Variants in DIS3L2 observed in about 807,000 individuals in gnomAD.
The protein encoded by DIS3L2 is DIS3-like exonuclease 2.
A neutral mutation model predicts 97.5 loss-of-function variants in DIS3L2; 34 were observed. That is an observed-to-expected ratio of 0.35 (90% CI 0.27 to 0.46). The LOEUF is 0.46. Ranked by LOEUF, DIS3L2 falls within the 20% of genes least tolerant of loss-of-function variation. The pLI is 1.00. For synonymous variants in DIS3L2, 435 were observed against 445.2 expected, an observed-to-expected ratio of 0.98 and a Z score of 0.29; for missense variants, 1,038 against 1,146.0, an observed-to-expected ratio of 0.91 and a Z score of 1.36.
chr2:231,966,171 C>CTT (rs59059695), intron 1 of DIS3L2, among the ~76,000 whole-genome samples: 14,185 of 140,360 alleles, frequency 0.1, 846 homozygotes, highest in African/African-American at 0.16. Context: ...TCTTCTTCTT[C>CTT]TTTTTTTTTT....
intron 6 of DIS3L2, among the ~76,000 whole-genome samples, chr2:232,123,091 C>G (rs1028072491): frequency 1.3e-5 from 2 of 152,018 alleles, no homozygotes; most frequent in Non-Finnish European, 2.9e-5. Flanking sequence ...TTTCCACAAC[C>G]CTCCCACCCT....
At chr2:232,157,332 C>T (rs3116180) in intron 8 of DIS3L2, among the ~76,000 whole-genome samples, 2 of 152,194 alleles carry the variant, frequency 1.3e-5, no homozygotes, top group African/African-American at 4.8e-5. Flanking sequence ...ACCATGTACA[C>T]TGCCTGTAGG....
intron 14 of DIS3L2, among the ~76,000 whole-genome samples, chr2:232,315,246 G>A (rs1695237703): frequency 6.6e-6 from 1 of 152,186 alleles, no homozygotes. Context: ...CCCAGACCCA[G>A]GGCATATTCA....
intron 8 of DIS3L2, among the ~76,000 whole-genome samples, chr2:232,159,418 A>G (rs1211808594): frequency 2.0e-5 from 3 of 152,138 alleles, no homozygotes; most frequent in Non-Finnish European, 1.5e-5. Context: ...TACACATTCA[A>G]AGTCTTGAGT....
intron 13 of DIS3L2, among the ~76,000 whole-genome samples, chr2:232,284,368 G>A (rs1172782090): frequency 6.6e-6 from 1 of 152,208 alleles, no homozygotes; most frequent in African/African-American, 2.4e-5. Context: ...CTTCCCAGCT[G>A]TAAAGTAGGC....
intron 10 of DIS3L2, among the ~76,000 whole-genome samples, chr2:232,223,915 C>A (rs1212350129): frequency 6.6e-6 from 1 of 152,120 alleles, no homozygotes; most frequent in Non-Finnish European, 1.5e-5. Context: ...TGGTGAAACC[C>A]CATCTCTACA....
At chr2:232,236,919 T>C (rs754462482) in intron 10 of DIS3L2, among the ~76,000 whole-genome samples, 2 of 152,044 alleles carry the variant, frequency 1.3e-5, no homozygotes, top group Non-Finnish European at 2.9e-5. Context: ...ACCTGGCTAA[T>C]TTTTATTTTT....
chr2:232,181,842 G>A (rs1313334307), intron 9 of DIS3L2, among the ~76,000 whole-genome samples: 1 of 151,980 alleles, frequency 6.6e-6, no homozygotes, highest in African/African-American at 2.4e-5. Context: ...AGTAATGATG[G>A]GGTTTCACCA....
intron 8 of DIS3L2, among the ~76,000 whole-genome samples, chr2:232,153,928 C>G (rs1690395077): frequency 1.3e-5 from 2 of 150,902 alleles, no homozygotes; most frequent in African/African-American, 4.9e-5. Context: ...CTCTAAACTT[C>G]CCTTCTCGCT....
chr2:232,062,510 C>T (rs1406068950), intron 5 of DIS3L2, among the ~76,000 whole-genome samples: 1 of 152,082 alleles, frequency 6.6e-6, no homozygotes, highest in African/African-American at 2.4e-5. Context: ...TCAAACTGCC[C>T]CTGATCTGAC....
chr2:232,183,364 T>G (rs1318661832), intron 9 of DIS3L2, among the ~76,000 whole-genome samples: 1 of 152,204 alleles, frequency 6.6e-6, no homozygotes, highest in Non-Finnish European at 1.5e-5. Context: ...AAACAGAGAT[T>G]TCCTTAAATA....
chr2:232,246,487 A>C (rs1298023566), intron 11 of DIS3L2, among the ~76,000 whole-genome samples: 3 of 152,198 alleles, frequency 2.0e-5, no homozygotes, highest in Admixed American at 2.0e-4. Context: ...GTGACAGTGC[A>C]CCTTGGATAC....
intron 1 of DIS3L2, among the ~76,000 whole-genome samples, chr2:231,962,925 T>C (rs1692609012): frequency 6.6e-6 from 1 of 151,858 alleles, no homozygotes; most frequent in Non-Finnish European, 1.5e-5. Flanking sequence ...TCTTCCTTTT[T>C]TGTGGCTGCA....
intron 1 of DIS3L2, among the ~76,000 whole-genome samples, chr2:231,997,004 G>A (rs1334890848): frequency 6.6e-6 from 1 of 152,130 alleles, no homozygotes; most frequent in African/African-American, 2.4e-5. Flanking sequence ...CCTGCTCTGT[G>A]TCACTGCCTG....
chr2:232,102,376 G>T (rs1190364421), intron 6 of DIS3L2, among the ~76,000 whole-genome samples: 2 of 152,182 alleles, frequency 1.3e-5, no homozygotes, highest in Non-Finnish European at 2.9e-5. Flanking sequence ...CAATTGGGGA[G>T]ATTTAAATTT....
At chr2:232,238,691 T>A in intron 11 of DIS3L2, 46 bp downstream of exon 11, 1 of 1,521,374 alleles carries the variant, frequency 6.6e-7, no homozygotes. Context: ...TGTTTATTTG[T>A]TTGTTTCCCT....
chr2:232,104,141 A>G (rs1697290711), intron 6 of DIS3L2, among the ~76,000 whole-genome samples: 1 of 152,288 alleles, frequency 6.6e-6, no homozygotes, highest in African/African-American at 2.4e-5. Flanking sequence ...TAAATGTGAG[A>G]TGGTCATATT....
In DIS3L2 at chr2:232,078,311, T is replaced by C. The variant is rs551987217; in HGVS notation, c.367-9176T>C. Among the ~76,000 whole-genome samples, 23 of 152,310 alleles carry C rather than the reference T, an allele frequency of 1.5e-4. No individual in the cohort carries two copies. In the South Asian group the frequency reaches 4.8e-3, roughly 32 times the overall value. ...CACCCGCCTTGGCCTTCCAAAGTGC[T>C]GGGATAATAGGCATGAGCCACCTCG... On this transcript the variant is annotated intron_variant, in intron 5 of 20. Coordinates refer to ENST00000325385, the MANE Select transcript of DIS3L2 (RefSeq NM_152383.5).
chr2:232,329,785 T>TGCCCGGGGGGGGGCCCC, intron 14 of DIS3L2, 28 bp from the exon 15 acceptor site: 130 of 967,062 alleles, frequency 1.3e-4, no homozygotes, highest in East Asian at 1.9e-4. Context: ...ACCCCAGCGG[T>TGCCCGGGGGGGGGCCCC]CCCTCCCATC....
Sources: gnomAD v4.1 joint callset for allele counts (sites outside exome capture counted in the v4.1 genomes callset) on GRCh38, gnomAD v4.1.1 for gene constraint, MANE v1.5 for transcripts, NCBI Gene and HGNC (gene_info 2026-07-23, HGNC 2026-07-21) for gene names.